The following CBFA2T2 variants were observed in gnomAD, a reference collection of about 807,000 sequenced individuals.
CBFA2T2 encodes the protein CBFA2/RUNX1 partner transcriptional co-repressor 2, also known as protein CBFA2T2.
In CBFA2T2, 11 loss-of-function variants were observed where a neutral mutation model predicts 62.2. That is an observed-to-expected ratio of 0.18 (90% CI 0.11 to 0.29). The LOEUF (loss-of-function observed/expected upper bound fraction) is 0.29, where lower values mean the gene tolerates loss of function less well. CBFA2T2 is among the 10% of genes least tolerant of loss of function. The pLI, the probability that CBFA2T2 is intolerant of heterozygous loss-of-function variation, is 1.00. For missense variants in CBFA2T2, 592 were observed against 774.1 expected, an observed-to-expected ratio of 0.76 and a Z score of 2.79; for synonymous variants, 295 against 287.5, an observed-to-expected ratio of 1.03 and a Z score of -0.27.
intron 1 of CBFA2T2, among the ~76,000 whole-genome samples, chr20:33,547,777 A>T (rs886508780): frequency 1.6e-4 from 24 of 151,796 alleles, no homozygotes; most frequent in African/African-American, 5.8e-4. Flanking sequence ...TGTATATTAT[A>T]AAAATCTGTA....
chr20:33,547,511 C>G (rs1300994344), intron 1 of CBFA2T2, among the ~76,000 whole-genome samples: 2 of 152,060 alleles, frequency 1.3e-5, no homozygotes, highest in Non-Finnish European at 2.9e-5. Flanking sequence ...GAGACCCCAT[C>G]TCTACAAAAA....
At chr20:33,523,282 TA>T (rs1164126666) in intron 1 of CBFA2T2, among the ~76,000 whole-genome samples, 2 of 152,088 alleles carry the variant, frequency 1.3e-5, no homozygotes, top group Non-Finnish European at 2.9e-5. Flanking sequence ...TTTATTTATT[TA>T]TTTTTTTTTA....
At chr20:33,561,158 G>T (rs1215870601) in intron 1 of CBFA2T2, among the ~76,000 whole-genome samples, 2 of 152,200 alleles carry the variant, frequency 1.3e-5, no homozygotes, top group Non-Finnish European at 2.9e-5. Context: ...TTACTGGTGT[G>T]AGCCACAGTG....
chr20:33,627,364 T>C (rs1378693213), intron 6 of CBFA2T2, among the ~76,000 whole-genome samples: 1 of 151,678 alleles, frequency 6.6e-6, no homozygotes, highest in Non-Finnish European at 1.5e-5. Context: ...ACCGCTGCAC[T>C]CCATCCTGGC....
At chr20:33,617,247 T>A (rs186670278) in intron 3 of CBFA2T2, among the ~76,000 whole-genome samples, 39 of 149,510 alleles carry the variant, frequency 2.6e-4, no homozygotes, top group African/African-American at 6.1e-4. Context: ...AAAAAAAAAA[T>A]TTTTAAGCAA....
intron 1 of CBFA2T2, among the ~76,000 whole-genome samples, chr20:33,536,736 C>T (rs573364897): frequency 7.2e-4 from 107 of 149,524 alleles, no homozygotes; most frequent in Middle Eastern, 3.5e-3. Context: ...GACGGGGCGG[C>T]GGGGCAGAGG....
chr20:33,504,334 T>C (rs1376507269), intron 1 of CBFA2T2, among the ~76,000 whole-genome samples: 1 of 152,054 alleles, frequency 6.6e-6, no homozygotes, highest in Non-Finnish European at 1.5e-5. Flanking sequence ...TGTGGACATA[T>C]GTTTTTCTCT....
intron 1 of CBFA2T2, among the ~76,000 whole-genome samples, chr20:33,590,611 C>T (rs2014576341): frequency 1.3e-5 from 2 of 152,200 alleles, no homozygotes; most frequent in African/African-American, 2.4e-5. Flanking sequence ...TATTCCATCT[C>T]TGCAGCAAGG....
At chr20:33,602,203 T>G (rs1199073451) in intron 1 of CBFA2T2, among the ~76,000 whole-genome samples, 1 of 152,024 alleles carries the variant, frequency 6.6e-6, no homozygotes, top group Non-Finnish European at 1.5e-5. Context: ...ATGGTACCCT[T>G]CATATAACCC....
At chr20:33,582,378 C>T (rs1234755216) in intron 1 of CBFA2T2, among the ~76,000 whole-genome samples, 1 of 151,876 alleles carries the variant, frequency 6.6e-6, no homozygotes, top group African/African-American at 2.4e-5. Context: ...ATCCCAGCTA[C>T]TTGGGAGGCT....
intron 1 of CBFA2T2, among the ~76,000 whole-genome samples, chr20:33,529,933 C>T (rs984542846): frequency 1.1e-4 from 17 of 151,264 alleles, no homozygotes; most frequent in Admixed American, 4.0e-4. Flanking sequence ...TATAGGTGTG[C>T]GCCATCACAC....
chr20:33,535,700 TTGGGTGTTTCTCGCAGAG>T (rs1326860700), intron 1 of CBFA2T2, among the ~76,000 whole-genome samples: 2 of 151,440 alleles, frequency 1.3e-5, no homozygotes, highest in Non-Finnish European at 2.9e-5. Context: ...TTGATCATTC[TTGGGTGTTTCTCGCAGAG>T]GGGGAGTTGG....
At chr20:33,563,028 A>G (rs142652710) in intron 1 of CBFA2T2, among the ~76,000 whole-genome samples, 89 of 152,326 alleles carry the variant, frequency 5.8e-4, no homozygotes, top group African/African-American at 2.1e-3. Flanking sequence ...TTTAGTATGC[A>G]TAATACAAAT....
At chr20:33,529,905 C>T (rs1474837418) in intron 1 of CBFA2T2, among the ~76,000 whole-genome samples, 1 of 151,288 alleles carries the variant, frequency 6.6e-6, no homozygotes, top group Non-Finnish European at 1.5e-5. Flanking sequence ...CTGCCTCAGC[C>T]TCCCAAGTAG....
At chr20:33,550,383 T>C (rs1169015614) in intron 1 of CBFA2T2, among the ~76,000 whole-genome samples, 3 of 152,170 alleles carry the variant, frequency 2.0e-5, no homozygotes, top group Admixed American at 6.5e-5. Flanking sequence ...TTAACTCCCC[T>C]CCCCCTATTT....
intron 1 of CBFA2T2, among the ~76,000 whole-genome samples, chr20:33,573,401 A>G (rs2013658195): frequency 6.6e-6 from 1 of 152,184 alleles, no homozygotes. Context: ...TTAAGAATGC[A>G]AAGAGATGAT....
chr20:33,492,425 A>T (rs2011153760), intron 1 of CBFA2T2, among the ~76,000 whole-genome samples: 1 of 142,012 alleles, frequency 7.0e-6, no homozygotes, highest in African/African-American at 2.5e-5. Flanking sequence ...TAAAAAAAAA[A>T]GATTGTGTCC....
intron 1 of CBFA2T2, among the ~76,000 whole-genome samples, chr20:33,504,953 C>A (rs2011375552): frequency 1.3e-5 from 2 of 152,056 alleles, no homozygotes; most frequent in African/African-American, 4.8e-5. Context: ...TATTTATATT[C>A]TTTTGGGGTT....
chr20:33,500,376 T>C (rs536373615), intron 1 of CBFA2T2, among the ~76,000 whole-genome samples: 4 of 152,108 alleles, frequency 2.6e-5, no homozygotes, highest in Admixed American at 2.0e-4. Flanking sequence ...CCATAATCTT[T>C]CTTCAACTTT....
Sources: gnomAD v4.1 joint callset for allele counts (sites outside exome capture counted in the v4.1 genomes callset) on GRCh38, gnomAD v4.1.1 for gene constraint, MANE v1.5 for transcripts, NCBI Gene and HGNC (gene_info 2026-07-23, HGNC 2026-07-21) for gene names.